Variants in SUGCT observed in about 807,000 individuals in gnomAD.
The protein encoded by SUGCT is succinyl-CoA:glutarate CoA-transferase.
Under a neutral mutation model 55.0 loss-of-function variants are expected in SUGCT, and 41 were observed. The ratio of observed to expected loss-of-function variants is 0.74; its 90% CI spans 0.58 to 0.97. The LOEUF (loss-of-function observed/expected upper bound fraction) is 0.97. Among genes scored for constraint, SUGCT ranks in the 50% least tolerant of loss-of-function variants. The probability of loss-of-function intolerance (pLI) is 0.00; values close to 1 mark genes in which losing one functional copy is unlikely to be tolerated. For missense variants in SUGCT, 568 were observed against 547.8 expected, an observed-to-expected ratio of 1.04 and a Z score of -0.37; for synonymous variants, 187 against 200.4, an observed-to-expected ratio of 0.93 and a Z score of 0.56.
chr7:40,951,697 C>T, the SUGCT span, among the ~76,000 whole-genome samples: 3 of 152,000 alleles, frequency 2.0e-5, no homozygotes, highest in Non-Finnish European at 4.4e-5. Flanking sequence ...ATTCTGCCTT[C>T]GTTTTGTTAT....
intron 1 of SUGCT, among the ~76,000 whole-genome samples, chr7:40,179,801 C>T (rs1785095871): frequency 6.6e-6 from 1 of 152,254 alleles, no homozygotes; most frequent in South Asian, 2.1e-4. Flanking sequence ...AAAGTCAAGC[C>T]CCAGTGTGTA....
chr7:40,394,400 A>C (rs1042501186), intron 9 of SUGCT, among the ~76,000 whole-genome samples: 1 of 152,192 alleles, frequency 6.6e-6, no homozygotes, highest in Non-Finnish European at 1.5e-5. Flanking sequence ...TGCAAAAGGA[A>C]CATAGATAAT....
At chr7:40,381,173 A>G (rs1784848835) in intron 9 of SUGCT, among the ~76,000 whole-genome samples, 2 of 152,110 alleles carry the variant, frequency 1.3e-5, no homozygotes, top group African/African-American at 2.4e-5. Flanking sequence ...GTTGATTCTC[A>G]TAGTAGTGTT....
chr7:40,771,557 T>A (rs1048339802), intron 13 of SUGCT, among the ~76,000 whole-genome samples: 1 of 152,190 alleles, frequency 6.6e-6, no homozygotes, highest in Non-Finnish European at 1.5e-5. Flanking sequence ...AGTGACTGAT[T>A]TTATCCTTGT....
downstream of SUGCT, among the ~76,000 whole-genome samples, chr7:40,863,102 G>C (rs1404086346): frequency 6.6e-6 from 1 of 152,094 alleles, no homozygotes; most frequent in African/African-American, 2.4e-5. Flanking sequence ...AGCCAGGCGT[G>C]GTGGGTGCCT....
At chr7:40,520,688 C>G (rs1359520962) in intron 12 of SUGCT, among the ~76,000 whole-genome samples, 1 of 152,084 alleles carries the variant, frequency 6.6e-6, no homozygotes, top group Non-Finnish European at 1.5e-5. Context: ...ATTTGCCACT[C>G]TGTCTTCTCA....
intron 12 of SUGCT, among the ~76,000 whole-genome samples, chr7:40,745,716 G>A (rs567424627): frequency 3.3e-4 from 50 of 152,224 alleles, no homozygotes; most frequent in Non-Finnish European, 4.3e-4. Flanking sequence ...TAAAATGAAG[G>A]AGAAAACAGT....
intron 13 of SUGCT, among the ~76,000 whole-genome samples, chr7:40,768,592 C>G (rs1469418067): frequency 5.9e-5 from 9 of 152,006 alleles, no homozygotes; most frequent in Admixed American, 5.2e-4. Flanking sequence ...TTCAACATGA[C>G]CAATAGCAAA....
chr7:40,368,395 C>G (rs1231509270), intron 9 of SUGCT, among the ~76,000 whole-genome samples: 2 of 152,060 alleles, frequency 1.3e-5, no homozygotes, highest in African/African-American at 4.8e-5. Context: ...GATGTGGTTT[C>G]ACTGTGGTGG....
chr7:40,398,283 G>T (rs962686132), intron 9 of SUGCT, among the ~76,000 whole-genome samples: 2 of 152,034 alleles, frequency 1.3e-5, no homozygotes, highest in African/African-American at 2.4e-5. Context: ...GTAGAGACGG[G>T]GTTTTGCCAT....
intron 9 of SUGCT, among the ~76,000 whole-genome samples, chr7:40,359,063 G>A (rs924208257): frequency 1.8e-4 from 27 of 152,242 alleles, no homozygotes; most frequent in African/African-American, 6.3e-4. Context: ...ATCACTTTTG[G>A]CATGGGGCTG....
chr7:40,156,470 T>C (rs970538590), intron 1 of SUGCT, among the ~76,000 whole-genome samples: 3 of 151,520 alleles, frequency 2.0e-5, no homozygotes, highest in Non-Finnish European at 4.4e-5. Context: ...CTCAAAGAAA[T>C]AGAAGATTTT....
intron 9 of SUGCT, among the ~76,000 whole-genome samples, chr7:40,351,225 A>T (rs1172269960): frequency 6.6e-6 from 1 of 151,868 alleles, no homozygotes; most frequent in Non-Finnish European, 1.5e-5. Flanking sequence ...TTGTGTTTTA[A>T]TTTTATTTCT....
At chr7:40,686,683 A>G (rs933786810) in intron 12 of SUGCT, among the ~76,000 whole-genome samples, 4 of 151,888 alleles carry the variant, frequency 2.6e-5, no homozygotes, top group African/African-American at 9.7e-5. Context: ...CTAGAGGGAA[A>G]CTCTACACAT....
chr7:40,708,344 G>A (rs1362044333), intron 12 of SUGCT, among the ~76,000 whole-genome samples: 1 of 152,198 alleles, frequency 6.6e-6, no homozygotes, highest in Non-Finnish European at 1.5e-5. Flanking sequence ...AGTATGTAGA[G>A]TGTGTACATC....
intron 1 of SUGCT, among the ~76,000 whole-genome samples, chr7:40,161,132 GAAGAGAAGTCTCTGGGAGGA>G (rs1207033505): frequency 1.3e-5 from 2 of 152,064 alleles, no homozygotes. Flanking sequence ...TTTACTACCT[GAAGAGAAGTCTCTGGGAGGA>G]TACCTTAGTC....
At chr7:40,803,253 G>T (rs1790914350) in intron 13 of SUGCT, among the ~76,000 whole-genome samples, 1 of 152,148 alleles carries the variant, frequency 6.6e-6, no homozygotes, top group African/African-American at 2.4e-5. Context: ...ATGAAAAGTA[G>T]CAACCTTTTA....
At chr7:40,257,312 C>T (rs920628715) in intron 7 of SUGCT, among the ~76,000 whole-genome samples, 2 of 151,954 alleles carry the variant, frequency 1.3e-5, no homozygotes, top group African/African-American at 4.8e-5. Flanking sequence ...TTGATATTGT[C>T]AATATCATTT....
At chr7:40,674,966 T>G (rs2151876452) in intron 12 of SUGCT, among the ~76,000 whole-genome samples, 1 of 152,124 alleles carries the variant, frequency 6.6e-6, no homozygotes, top group South Asian at 2.1e-4. Flanking sequence ...GTAAGATCAT[T>G]AAGAATATAA....
Sources: allele counts gnomAD v4.1 joint callset (sites outside exome capture counted in the v4.1 genomes callset), GRCh38; gene constraint gnomAD v4.1.1; transcripts MANE v1.5; gene names NCBI Gene and HGNC (gene_info 2026-07-23, HGNC 2026-07-21).